The following LRRC3B variants were observed in gnomAD, a reference collection of about 807,000 sequenced individuals.
LRRC3B encodes leucine rich repeat containing 3B.
LRRC3B carries 2 observed loss-of-function variants against 12.8 expected under a neutral mutation model. The ratio of observed to expected loss-of-function variants is 0.16; its 90% CI spans 0.06 to 0.49. The LOEUF is 0.49. Ranked by LOEUF, LRRC3B falls within the 20% of genes least tolerant of loss-of-function variation. The probability of loss-of-function intolerance (pLI) is 0.96; values close to 1 mark genes in which losing one functional copy is unlikely to be tolerated. For synonymous variants in LRRC3B, 132 were observed against 122.0 expected (o/e 1.08, Z -0.54); for missense variants, 189 against 319.4 (o/e 0.59, Z 3.11).
chr3:26,639,479 TTTAAATTTAAA>T (rs1270078064), intron 1 of LRRC3B, among the ~76,000 whole-genome samples: 5 of 110,376 alleles, frequency 4.5e-5, no homozygotes, highest in Non-Finnish European at 4.9e-5. Context: ...AATTGGAATC[TTTAAATTTAAA>T]TTAAATTTAA....
rs368782938 is a variant in LRRC3B, at chr3:26,632,595, C to G, written c.-161+9358C>G. Reference sequence around the variant, plus strand: ...TATATATGGTAGGAAAGGGGTGATTCAGAAAGGATTTGTAGAACTATTGAA... The same window carrying G: ...TATATATGGTAGGAAAGGGGTGATTGAGAAAGGATTTGTAGAACTATTGAA... On this transcript the variant is annotated intron_variant, in intron 1 of 1. Transcript: ENST00000396641. Among the ~76,000 whole-genome samples the G allele has an allele frequency of 2.6e-5, 4 of 151,986 alleles. No individual in the cohort carries two copies. In the East Asian group the frequency reaches 5.8e-4, roughly 22 times the overall value.
intron 1 of LRRC3B, among the ~76,000 whole-genome samples, chr3:26,709,039 A>C (rs1161875344): frequency 6.6e-6 from 1 of 152,188 alleles, no homozygotes; most frequent in Non-Finnish European, 1.5e-5. Flanking sequence ...CAATATTCCA[A>C]ATTGGGCATC....
intron 1 of LRRC3B, among the ~76,000 whole-genome samples, chr3:26,683,980 TTC>T (rs780159644): frequency 6.6e-6 from 1 of 152,232 alleles, no homozygotes; most frequent in Non-Finnish European, 1.5e-5. Context: ...CAGGACTTGT[TTC>T]TCTCAATATT....
At chr3:26,696,029 C>G (rs559533898) in intron 1 of LRRC3B, among the ~76,000 whole-genome samples, 35 of 152,242 alleles carry the variant, frequency 2.3e-4, no homozygotes, top group African/African-American at 7.7e-4. Flanking sequence ...TGATGTAGAC[C>G]AGGAATGGAA....
intron 1 of LRRC3B, among the ~76,000 whole-genome samples, chr3:26,628,532 T>C (rs1192569740): frequency 6.6e-6 from 1 of 151,618 alleles, no homozygotes; most frequent in Non-Finnish European, 1.5e-5. Context: ...GAATAATCCA[T>C]AAGATTAATA....
intron 1 of LRRC3B, among the ~76,000 whole-genome samples, chr3:26,696,113 T>C (rs990996580): frequency 1.3e-5 from 2 of 152,184 alleles, no homozygotes; most frequent in African/African-American, 4.8e-5. Flanking sequence ...GAATAATGTG[T>C]AAATAGATCT....
intron 1 of LRRC3B, among the ~76,000 whole-genome samples, chr3:26,708,582 T>G (rs2125467244): frequency 6.6e-6 from 1 of 152,304 alleles, no homozygotes; most frequent in Admixed American, 6.5e-5. Context: ...CTTTCTTCTC[T>G]ATATTAAAGG....
intron 1 of LRRC3B, among the ~76,000 whole-genome samples, chr3:26,626,212 G>T (rs1443921382): frequency 1.3e-5 from 2 of 152,190 alleles, no homozygotes; most frequent in African/African-American, 2.4e-5. Flanking sequence ...AGAGGAAATC[G>T]ATTTGGAGAA....
intron 1 of LRRC3B, among the ~76,000 whole-genome samples, chr3:26,694,252 C>T (rs535827300): frequency 1.3e-5 from 2 of 152,192 alleles, no homozygotes; most frequent in East Asian, 3.9e-4. Context: ...ATTCTATGGG[C>T]GATTTCACTA....
At chr3:26,697,270 A>G (rs970785748) in intron 1 of LRRC3B, among the ~76,000 whole-genome samples, 3 of 152,136 alleles carry the variant, frequency 2.0e-5, no homozygotes, top group Non-Finnish European at 2.9e-5. Flanking sequence ...TGGCCACACT[A>G]ACTCCAAAGA....
intron 1 of LRRC3B, among the ~76,000 whole-genome samples, chr3:26,675,260 T>A (rs749744683): frequency 4.6e-5 from 7 of 152,216 alleles, no homozygotes; most frequent in Non-Finnish European, 1.0e-4. Context: ...ATTCTTAAAA[T>A]CAAGTCTGCA....
chr3:26,703,869 C>G (rs190319538), intron 1 of LRRC3B, among the ~76,000 whole-genome samples: 19 of 152,018 alleles, frequency 1.2e-4, no homozygotes, highest in Admixed American at 1.2e-3. Flanking sequence ...CTTTCATGCA[C>G]TGAATAGTTG....
intron 1 of LRRC3B, among the ~76,000 whole-genome samples, chr3:26,671,413 G>GAGAGAGAGAGAGAGAGAGAGAGACAC (rs9331540): frequency 3.0e-5 from 3 of 99,388 alleles, no homozygotes; most frequent in Non-Finnish European, 5.8e-5. Context: ...GAGAGAGAGA[G>GAGAGAGAGAGAGAGAGAGAGAGACAC]ACGAAGTCTT....
intron 1 of LRRC3B, among the ~76,000 whole-genome samples, chr3:26,685,519 CTCTCTATATATATATATATATATA>C (rs1203826619): frequency 1.7e-4 from 8 of 47,802 alleles, no homozygotes; most frequent in Admixed American, 5.9e-4. Flanking sequence ...CTCTCTCTCT[CTCTCTATATATATATATATATATA>C]TATATATATA....
chr3:26,649,911 C>T (rs969083078), intron 1 of LRRC3B, among the ~76,000 whole-genome samples: 3 of 152,034 alleles, frequency 2.0e-5, no homozygotes, highest in African/African-American at 7.3e-5. Flanking sequence ...GATGTAGCCC[C>T]CACTTGGAAC....
intron 1 of LRRC3B, among the ~76,000 whole-genome samples, chr3:26,638,614 C>G (rs1157684541): frequency 1.3e-5 from 2 of 152,208 alleles, no homozygotes; most frequent in Admixed American, 1.3e-4. Flanking sequence ...ATGTAATTTA[C>G]TGGTTGTTAA....
At position 26,651,300 on chromosome 3, in the gene LRRC3B, G is replaced by T. The variant is rs9811332; in HGVS notation, c.-161+28063G>T. ...TGCAAACATCACCTCATCAGAGAGG[G>T]TTTCTGTGACCACCTGTATAAAATA... On this transcript the variant is annotated intron_variant, in intron 1 of 1. Transcript: ENST00000396641. 3.4e-3 allele frequency among the ~76,000 whole-genome samples: 513 copies of T among 152,268 alleles called. 3 individuals carry two copies. Among genetic ancestry groups the T allele is most frequent in the African/African-American group, 0.012 (481 of 41,556 alleles).
intron 1 of LRRC3B, among the ~76,000 whole-genome samples, chr3:26,695,310 G>A (rs934051946): frequency 3.9e-5 from 6 of 152,164 alleles, no homozygotes; most frequent in Non-Finnish European, 7.4e-5. Context: ...GGGGGACCAC[G>A]AGGTCAGGAG....
intron 1 of LRRC3B, among the ~76,000 whole-genome samples, chr3:26,646,939 GC>G (rs112913998): frequency 0.34 from 51,937 of 151,736 alleles, 9,429 homozygotes; most frequent in African/African-American, 0.46. Flanking sequence ...GCAAATATGA[GC>G]CCCACATCTT....
Sources: gnomAD v4.1 joint callset for allele counts (sites outside exome capture counted in the v4.1 genomes callset) on GRCh38, gnomAD v4.1.1 for gene constraint, MANE v1.5 for transcripts, NCBI Gene and HGNC (gene_info 2026-07-23, HGNC 2026-07-21) for gene names.